The following FHL5 variants were observed in gnomAD, a reference collection of about 807,000 sequenced individuals.
FHL5 encodes the protein four and a half LIM domains 5.
In FHL5, 33 loss-of-function variants were observed where a neutral mutation model predicts 32.0. The observed-to-expected ratio is 1.03, with a 90% confidence interval of 0.78 to 1.38. The LOEUF (loss-of-function observed/expected upper bound fraction) is 1.38, where lower values mean the gene tolerates loss of function less well. FHL5 is among the 40% of genes most tolerant of loss of function. FHL5 has a pLI of 0.00. For missense variants in FHL5, 336 were observed against 343.9 expected (o/e 0.98, Z 0.18); for synonymous variants, 114 against 113.6 (o/e 1.00, Z -0.02).
Position 96,602,426 on chromosome 6 carries a change from C to CTTTTTTTTTTTTTTTTT in FHL5, c.-12-1154_-12-1138dup. Among the ~76,000 whole-genome samples, 2 of 33,704 alleles carry CTTTTTTTTTTTTTTTTT rather than the reference C, an allele frequency of 5.9e-5. 1 individual carries two copies. The highest frequency in any genetic ancestry group is 1.3e-4 in the Non-Finnish European group (2 of 15,324). 22.1% of individuals were successfully genotyped at this position (33,704 alleles called of 152,430 possible). On this transcript the variant is annotated intron_variant, in intron 1 of 5. Transcript: ENST00000450218. ...ACCTGGAAATCTATATGCGTTGTTT[C>CTTTTTTTTTTTTTTTTT]TTTTTTTTTTTTTTTTTTTTTTTTT...
intron 4 of FHL5, 64 bp downstream of exon 4, chr6:96,606,135 T>A: frequency 7.2e-7 from 1 of 1,379,870 alleles, no homozygotes; most frequent in Non-Finnish European, 1.0e-6. Context: ...CTGTATCATA[T>A]ATTTAGAATG....
At chr6:96,601,733 GAGAGTTAA>G (rs1487376920) in intron 1 of FHL5, among the ~76,000 whole-genome samples, 2 of 152,222 alleles carry the variant, frequency 1.3e-5, no homozygotes, top group African/African-American at 4.8e-5. Flanking sequence ...ATTAAGTGAA[GAGAGTTAA>G]AGGTACATAT....
At chr6:96,568,199 T>C (rs1441796101) in intron 1 of FHL5, among the ~76,000 whole-genome samples, 1 of 151,902 alleles carries the variant, frequency 6.6e-6, no homozygotes. Context: ...TGTTGAATTT[T>C]TCTCAAATAC....
chr6:96,598,448 A>C (rs1771080475), intron 1 of FHL5, among the ~76,000 whole-genome samples: 1 of 152,218 alleles, frequency 6.6e-6, no homozygotes, highest in South Asian at 2.1e-4. Context: ...GGGAAGGCCA[A>C]TCCATAATAT....
intron 1 of FHL5, among the ~76,000 whole-genome samples, chr6:96,582,397 T>C (rs1482002879): frequency 6.6e-6 from 1 of 152,152 alleles, no homozygotes; most frequent in Non-Finnish European, 1.5e-5. Flanking sequence ...TTAAAAGCCC[T>C]TCTTTTTTAT....
At chr6:96,582,317 C>G (rs1394442674) in intron 1 of FHL5, among the ~76,000 whole-genome samples, 3 of 151,938 alleles carry the variant, frequency 2.0e-5, no homozygotes, top group Non-Finnish European at 4.4e-5. Context: ...AGGCAATACT[C>G]TCATGGTCTT....
chr6:96,605,473 C>T lies in FHL5; in HGVS notation c.335-429C>T, dbSNP rs906648542. Among the ~76,000 whole-genome samples the T allele has an allele frequency of 9.8e-5, 15 of 152,328 alleles. No homozygotes were observed. In the South Asian group the frequency reaches 1.7e-3, roughly 17 times the overall value. The stretch of plus-strand genomic sequence containing the variant: ...TCATTCTCTGCCACTCTTGCTCTCT[C>T]ATTTTCTTATTATGGATTCAGAGAA... On this transcript the variant is annotated intron_variant, in intron 3 of 5. Coordinates refer to ENST00000450218, the MANE Select transcript of FHL5 (RefSeq NM_001322466.2).
At chr6:96,592,157 C>T (rs917135369) in intron 1 of FHL5, among the ~76,000 whole-genome samples, 1 of 152,100 alleles carries the variant, frequency 6.6e-6, no homozygotes, top group Non-Finnish European at 1.5e-5. Context: ...GGAATTTTCT[C>T]GTCCTAATAA....
At chr6:96,569,357 C>G (rs929535018) in intron 1 of FHL5, among the ~76,000 whole-genome samples, 1 of 151,912 alleles carries the variant, frequency 6.6e-6, no homozygotes, top group African/African-American at 2.4e-5. Context: ...CTAACGTGGT[C>G]TATGCTAAAG....
At chr6:96,574,514 C>T (rs903529419) in intron 1 of FHL5, among the ~76,000 whole-genome samples, 1 of 152,098 alleles carries the variant, frequency 6.6e-6, no homozygotes, top group African/African-American at 2.4e-5. Context: ...TGGTATTTAT[C>T]ATTTAAAAAT....
Position 96,604,944 on chromosome 6 carries a change from C to T in FHL5, c.334+20C>T, listed in dbSNP as rs1221418471. Reference sequence around the variant, plus strand: ...TGCCTGGTAGGGTCTCAAGGGGGCTCCTGTCTCTAACTGAAGCTGTGATGC... The same window carrying T: ...TGCCTGGTAGGGTCTCAAGGGGGCTTCTGTCTCTAACTGAAGCTGTGATGC... On this transcript the variant is annotated intron_variant, in intron 3 of 5. Coordinates refer to ENST00000450218, the MANE Select transcript of FHL5 (RefSeq NM_001322466.2). 10 of 1,565,018 alleles carry T rather than the reference C, an allele frequency of 6.4e-6. No homozygotes were observed. The highest frequency in any genetic ancestry group is 8.7e-6 in the Non-Finnish European group (10 of 1,152,694).
intron 1 of FHL5, among the ~76,000 whole-genome samples, chr6:96,586,515 A>C (rs1770800149): frequency 6.6e-6 from 1 of 152,248 alleles, no homozygotes; most frequent in Admixed American, 6.5e-5. Context: ...TCAAATTTAC[A>C]GTGAAGCTTG....
chr6:96,575,908 T>C (rs912676550), intron 1 of FHL5, among the ~76,000 whole-genome samples: 19 of 152,310 alleles, frequency 1.2e-4, no homozygotes, highest in African/African-American at 4.3e-4. Context: ...TCCATAGCAA[T>C]GTGTAGTTAA....
intron 1 of FHL5, among the ~76,000 whole-genome samples, chr6:96,585,092 C>A (rs939364789): frequency 2.6e-5 from 4 of 152,102 alleles, no homozygotes; most frequent in African/African-American, 9.7e-5. Context: ...CAAATTAAAA[C>A]CCTGAACAAG....
rs1245239201 is a variant in FHL5 at position 96,617,451 on chromosome 6, T to C, written c.*1679T>C. ...TTCAGCGATGTTAATAATTTAGAGA[T>C]ACTAATAAGTGTTCTGCTAGATAGA... On this transcript the variant is annotated 3_prime_UTR_variant, in exon 6 of 6. Coordinates refer to ENST00000450218, the MANE Select transcript of FHL5 (RefSeq NM_001322466.2). Among the ~76,000 whole-genome samples the C allele has an allele frequency of 6.6e-6, 1 of 152,244 alleles. No individual in the cohort carries two copies. The highest frequency in any genetic ancestry group is 1.5e-5 in the Non-Finnish European group (1 of 68,034).
intron 1 of FHL5, among the ~76,000 whole-genome samples, chr6:96,581,521 C>T (rs964229595): frequency 3.9e-5 from 6 of 152,124 alleles, no homozygotes; most frequent in East Asian, 1.9e-4. Context: ...ACAGATGGGG[C>T]CTGTGTTACA....
chr6:96,598,554 G>T (rs1393078849), intron 1 of FHL5, among the ~76,000 whole-genome samples: 1 of 152,132 alleles, frequency 6.6e-6, no homozygotes, highest in Admixed American at 6.5e-5. Flanking sequence ...TAAGGGGGTG[G>T]CTTTCAACCC....
At chr6:96,585,950 T>A (rs1005310916) in intron 1 of FHL5, among the ~76,000 whole-genome samples, 4 of 152,218 alleles carry the variant, frequency 2.6e-5, no homozygotes, top group African/African-American at 9.6e-5. Context: ...GTGCATATTG[T>A]AAACATATTC....
chr6:96,608,856 T>A (rs1161873050), intron 4 of FHL5, among the ~76,000 whole-genome samples: 1 of 152,186 alleles, frequency 6.6e-6, no homozygotes, highest in African/African-American at 2.4e-5. Context: ...GTTCCAGAAT[T>A]TCTTCTCTCT....
Sources: gnomAD v4.1 joint callset for allele counts (sites outside exome capture counted in the v4.1 genomes callset) on GRCh38, gnomAD v4.1.1 for gene constraint, MANE v1.5 for transcripts, NCBI Gene and HGNC (gene_info 2026-07-23, HGNC 2026-07-21) for gene names.